The following TTC23L variants were observed in gnomAD, a reference collection of about 807,000 sequenced individuals.
TTC23L encodes the protein tetratricopeptide repeat protein 23-like.
A neutral mutation model predicts 48.1 loss-of-function variants in TTC23L; 42 were observed. The ratio of observed to expected loss-of-function variants is 0.87; its 90% confidence interval spans 0.68 to 1.13. The LOEUF is 1.13. Among genes scored for constraint, TTC23L ranks in the 50% most tolerant of loss-of-function variants. The pLI is 0.00. For synonymous variants in TTC23L, 159 were observed against 157.2 expected (o/e 1.01, Z -0.09); for missense variants, 391 against 421.0 (o/e 0.93, Z 0.62).
chr5:34,923,333 G>T, the TTC23L span: 3 of 907,540 alleles, frequency 3.3e-6, no homozygotes, highest in African/African-American at 5.0e-5. Context: ...AGGCTGGACT[G>T]CAGTGGCACA....
intron 7 of TTC23L, 36 bp downstream of exon 7, chr5:34,867,105 T>A (rs1360621651): frequency 1.3e-6 from 2 of 1,588,706 alleles, no homozygotes; most frequent in Non-Finnish European, 1.7e-6. Flanking sequence ...CTGGGTTGCC[T>A]TGTTTGGCCC....
At chr5:34,869,189 A>C in intron 8 of TTC23L, 176 bp downstream of exon 8, 1 of 535,424 alleles carries the variant, frequency 1.9e-6, no homozygotes, top group South Asian at 2.1e-5. Context: ...ATATACCCCC[A>C]CATTCGTTGG....
At chr5:34,864,694 A>C (rs1760924658) in intron 6 of TTC23L, 132 bp downstream of exon 6, 12 of 1,158,030 alleles carry the variant, frequency 1.0e-5, no homozygotes, top group Admixed American at 2.5e-5. Context: ...CATATTTACC[A>C]AATGGATACA....
intron 2 of TTC23L, among the ~76,000 whole-genome samples, chr5:34,843,631 C>T (rs894707512): frequency 6.6e-6 from 1 of 152,162 alleles, no homozygotes. Context: ...GTGAAATATG[C>T]AGCTTAAGCA....
chr5:34,844,023 T>G (rs1171958954), intron 2 of TTC23L, among the ~76,000 whole-genome samples: 3 of 152,214 alleles, frequency 2.0e-5, no homozygotes, highest in African/African-American at 7.2e-5. Context: ...GGGGAAATTT[T>G]TGAAAGCCCT....
downstream of TTC23L, among the ~76,000 whole-genome samples, chr5:34,903,741 A>G (rs1436295758): frequency 6.6e-6 from 1 of 152,298 alleles, no homozygotes; most frequent in East Asian, 1.9e-4. Flanking sequence ...TCTAAATTCA[A>G]CCAATCTGGA....
the TTC23L span, chr5:34,925,002 T>A: frequency 3.7e-6 from 6 of 1,607,290 alleles, no homozygotes; most frequent in Non-Finnish European, 5.1e-6. Flanking sequence ...TTCAGTAGTC[T>A]TCAATGTACC....
the TTC23L span, chr5:34,907,584 C>A: frequency 1.3e-5 from 2 of 152,096 alleles, no homozygotes; most frequent in Non-Finnish European, 2.9e-5. Context: ...CAGGAAAGTA[C>A]AAAATCACTT....
In TTC23L at chr5:34,845,518, C is replaced by T. The variant is rs758733427; in HGVS notation, c.100C>T (p.Gln34Ter). The stretch of plus-strand genomic sequence containing the variant: ...GCAAACCGAGATCCCAGCTCACCAG[C>T]AAACAGATGAGTTGTATCCCACTGG... Residue 34 changes from glutamine (Q) to a stop codon, truncating the protein, a stop_gained, in exon 3 of 11, where the codon CAA becomes TAA. Transcript: ENST00000505624. LOFTEE classifies it high-confidence loss of function. 8.3e-5 allele frequency: 134 copies of T among 1,613,602 alleles called. No individual in the cohort carries two copies. Among genetic ancestry groups the T allele is most frequent in the South Asian group, 4.7e-4 (43 of 91,010 alleles).
the TTC23L span, chr5:34,915,639 C>G: frequency 5.7e-6 from 8 of 1,402,110 alleles, no homozygotes; most frequent in Middle Eastern, 2.6e-4. Context: ...GGAGGACGAC[C>G]GCGGAGCTGA....
intron 8 of TTC23L, among the ~76,000 whole-genome samples, chr5:34,870,003 C>G (rs1761343991): frequency 6.6e-6 from 1 of 151,864 alleles, no homozygotes; most frequent in Non-Finnish European, 1.5e-5. Context: ...TAAGAGTAGT[C>G]TTTGTGGTTA....
intron 2 of TTC23L, among the ~76,000 whole-genome samples, chr5:34,844,960 T>C (rs1256943334): frequency 6.6e-6 from 1 of 152,180 alleles, no homozygotes; most frequent in Non-Finnish European, 1.5e-5. Context: ...AAAATGTTGG[T>C]TTCCTTTCCC....
chr5:34,873,099 T>TAAG (rs916371047), intron 8 of TTC23L, among the ~76,000 whole-genome samples: 6 of 151,982 alleles, frequency 3.9e-5, no homozygotes, highest in Non-Finnish European at 7.4e-5. Context: ...GACCGGACTA[T>TAAG]ATCTGTAGAT....
At chr5:34,885,430 A>G (rs546276853) in intron 9 of TTC23L, among the ~76,000 whole-genome samples, 2 of 152,334 alleles carry the variant, frequency 1.3e-5, no homozygotes, top group African/African-American at 4.8e-5. Context: ...TCTTGTTCTA[A>G]GAAGACACAT....
At chr5:34,915,030 A>T in the TTC23L span, 2 of 853,942 alleles carry the variant, frequency 2.3e-6, no homozygotes, top group African/African-American at 1.7e-5. Flanking sequence ...CTGCGCTGAG[A>T]GGTGGAAAGG....
the TTC23L span, chr5:34,925,515 G>T: frequency 6.3e-7 from 1 of 1,590,176 alleles, no homozygotes; most frequent in South Asian, 1.1e-5. Flanking sequence ...AACCTGATTT[G>T]TTTTTCAGTT....
rs374267083 is a variant in TTC23L at position 34,842,206 on chromosome 5, AATT to A, written c.68+1472_68+1474del. On this transcript the variant is annotated intron_variant, in intron 2 of 10. Coordinates refer to ENST00000505624, the Ensembl canonical transcript of TTC23L. ...TTTCAATATATACAAAATATGCTAA[AATT>A]ATTAATGAAATATTTTATCTTTTTA... Among the ~76,000 whole-genome samples the A allele has an allele frequency of 3.1e-4, 47 of 152,356 alleles. No homozygotes were observed. In the East Asian group the frequency reaches 8.7e-3, roughly 28 times the overall value.
At chr5:34,919,339 T>C in the TTC23L span, among the ~76,000 whole-genome samples, 7 of 150,466 alleles carry the variant, frequency 4.7e-5, no homozygotes, top group African/African-American at 1.7e-4. Flanking sequence ...CATATGGCTG[T>C]TGTTGTGCTT....
chr5:34,846,593 A>ATG (rs1759182737), intron 3 of TTC23L, among the ~76,000 whole-genome samples: 1 of 134,148 alleles, frequency 7.5e-6, no homozygotes, highest in Non-Finnish European at 1.6e-5. Flanking sequence ...ATATATATAT[A>ATG]TATATATACA....
Sources: gnomAD v4.1 joint callset for allele counts (sites outside exome capture counted in the v4.1 genomes callset) on GRCh38, gnomAD v4.1.1 for gene constraint, MANE v1.5 for transcripts, NCBI Gene and HGNC (gene_info 2026-07-23, HGNC 2026-07-21) for gene names.